The following TAFA1 variants were observed in gnomAD, a reference collection of about 807,000 sequenced individuals.
TAFA1 encodes the protein TAFA chemokine like family member 1, also known as chemokine-like protein TAFA-1.
A neutral mutation model predicts 18.5 loss-of-function variants in TAFA1; 4 were observed. The ratio of observed to expected loss-of-function variants is 0.22; its 90% CI spans 0.11 to 0.49. The LOEUF (loss-of-function observed/expected upper bound fraction) is 0.49, where lower values mean the gene tolerates loss of function less well. TAFA1 is among the 20% of genes least tolerant of loss of function. The pLI is 0.98. For missense variants in TAFA1, 147 were observed against 169.0 expected (o/e 0.87, Z 0.72); for synonymous variants, 56 against 55.2 (o/e 1.01, Z -0.06).
At chr3:68,054,143 G>A (rs1259441883) in intron 2 of TAFA1, among the ~76,000 whole-genome samples, 1 of 152,156 alleles carries the variant, frequency 6.6e-6, no homozygotes, top group African/African-American at 2.4e-5. Flanking sequence ...TTGGATGCTT[G>A]TCCCTTCCAA....
At chr3:68,452,058 G>A (rs1052691721) in intron 3 of TAFA1, among the ~76,000 whole-genome samples, 1 of 152,062 alleles carries the variant, frequency 6.6e-6, no homozygotes, top group Non-Finnish European at 1.5e-5. Context: ...AGAGAGGGGA[G>A]GATGGCTGGG....
intron 3 of TAFA1, among the ~76,000 whole-genome samples, chr3:68,433,647 G>T (rs1203924775): frequency 6.6e-6 from 1 of 152,048 alleles, no homozygotes; most frequent in African/African-American, 2.4e-5. Context: ...CTTATGTAGT[G>T]GGACAAGATC....
At chr3:68,522,035 T>TG (rs2073035225) in intron 3 of TAFA1, among the ~76,000 whole-genome samples, 1 of 151,632 alleles carries the variant, frequency 6.6e-6, no homozygotes, top group Non-Finnish European at 1.5e-5. Context: ...TTTTCATAGA[T>TG]GGGGTCTCGC....
At chr3:67,997,399 C>A in the TAFA1 span, among the ~76,000 whole-genome samples, 1 of 152,086 alleles carries the variant, frequency 6.6e-6, no homozygotes, top group Non-Finnish European at 1.5e-5. Flanking sequence ...TAGACTCAAG[C>A]AGTTTGACTC....
At chr3:68,309,856 G>C (rs1247798826) in intron 2 of TAFA1, among the ~76,000 whole-genome samples, 5 of 152,132 alleles carry the variant, frequency 3.3e-5, no homozygotes, top group African/African-American at 1.2e-4. Context: ...TAATATGGCA[G>C]GATGTTAGTT....
At chr3:68,214,034 G>T (rs1007110742) in intron 2 of TAFA1, among the ~76,000 whole-genome samples, 5 of 152,104 alleles carry the variant, frequency 3.3e-5, no homozygotes, top group Admixed American at 1.3e-4. Flanking sequence ...GTCTACTGCA[G>T]TATGCCACTG....
Position 68,380,299 on chromosome 3 carries a change from G to T in TAFA1, c.119-36981G>T, listed in dbSNP as rs561365413. Among the ~76,000 whole-genome samples the T allele has an allele frequency of 2.0e-5, 3 of 152,218 alleles. No homozygotes were observed. The South Asian group carries it at 6.2e-4, about 32-fold the overall frequency. Reference sequence around the variant, plus strand: ...TATATACGCAGTAATGGGATGGCTGGGTCAAATGGCATTTCTAGTTCTAGA... The same window carrying T: ...TATATACGCAGTAATGGGATGGCTGTGTCAAATGGCATTTCTAGTTCTAGA... On this transcript the variant is annotated intron_variant, in intron 2 of 4. Transcript: ENST00000478136.
chr3:68,476,530 G>C (rs1054106739), intron 3 of TAFA1, among the ~76,000 whole-genome samples: 1 of 152,158 alleles, frequency 6.6e-6, no homozygotes, highest in Admixed American at 6.5e-5. Context: ...TGGAAGTGTA[G>C]AGTAATAATG....
intron 2 of TAFA1, among the ~76,000 whole-genome samples, chr3:68,372,535 C>CA (rs2069731567): frequency 6.6e-6 from 1 of 152,134 alleles, no homozygotes; most frequent in Non-Finnish European, 1.5e-5. Context: ...GGCATGTGGT[C>CA]AAAATGCCAT....
At chr3:68,260,421 A>C (rs1252280398) in intron 2 of TAFA1, among the ~76,000 whole-genome samples, 24 of 152,076 alleles carry the variant, frequency 1.6e-4, no homozygotes, top group Non-Finnish European at 2.9e-5. Flanking sequence ...TGTCTCTGCC[A>C]GGCTTTGGTA....
chr3:68,177,044 C>T (rs1461186476), intron 2 of TAFA1, among the ~76,000 whole-genome samples: 1 of 152,030 alleles, frequency 6.6e-6, no homozygotes, highest in Non-Finnish European at 1.5e-5. Context: ...ATAGACCTTA[C>T]TGAAACTGTA....
the TAFA1 span, among the ~76,000 whole-genome samples, chr3:67,991,603 C>A: frequency 0.015 from 2,214 of 152,322 alleles, 63 homozygotes; most frequent in African/African-American, 0.051. Flanking sequence ...ACATCAGAAC[C>A]CCAGGCTCTC....
At chr3:68,276,546 G>C (rs1282862370) in intron 2 of TAFA1, among the ~76,000 whole-genome samples, 1 of 152,166 alleles carries the variant, frequency 6.6e-6, no homozygotes. Flanking sequence ...TGATAAATAT[G>C]TCCCCTGAGT....
chr3:68,490,858 G>T (rs2072439385), intron 3 of TAFA1, among the ~76,000 whole-genome samples: 1 of 150,002 alleles, frequency 6.7e-6, no homozygotes, highest in South Asian at 2.1e-4. Flanking sequence ...TTTGTGGGGG[G>T]GACAGGGTCT....
intron 2 of TAFA1, among the ~76,000 whole-genome samples, chr3:68,084,729 C>T (rs978131601): frequency 2.0e-5 from 3 of 149,588 alleles, no homozygotes; most frequent in East Asian, 4.0e-4. Flanking sequence ...AGCCGGGAGG[C>T]GGAGGTTGCA....
intron 3 of TAFA1, among the ~76,000 whole-genome samples, chr3:68,528,315 G>C (rs2073136640): frequency 6.6e-6 from 1 of 152,136 alleles, no homozygotes; most frequent in Admixed American, 6.5e-5. Flanking sequence ...ATTTTCCAAA[G>C]TCATACTATT....
At chr3:68,431,989 A>C (rs2071183975) in intron 3 of TAFA1, among the ~76,000 whole-genome samples, 1 of 151,962 alleles carries the variant, frequency 6.6e-6, no homozygotes, top group South Asian at 2.1e-4. Flanking sequence ...AAAGTTTTAC[A>C]ATGCTTTCTC....
intron 2 of TAFA1, among the ~76,000 whole-genome samples, chr3:68,057,649 T>G (rs2064552523): frequency 6.6e-6 from 1 of 152,188 alleles, no homozygotes; most frequent in Non-Finnish European, 1.5e-5. Flanking sequence ...CAAAAGGGAC[T>G]TTGCAGGTGT....
intron 2 of TAFA1, among the ~76,000 whole-genome samples, chr3:68,238,101 C>T (rs1009193315): frequency 6.6e-6 from 1 of 152,104 alleles, no homozygotes; most frequent in African/African-American, 2.4e-5. Flanking sequence ...CATTCATAGG[C>T]CACCATGGTA....
Sources: allele counts gnomAD v4.1 joint callset (sites outside exome capture counted in the v4.1 genomes callset), GRCh38; gene constraint gnomAD v4.1.1; transcripts MANE v1.5; gene names NCBI Gene and HGNC (gene_info 2026-07-23, HGNC 2026-07-21).